Variants in PIK3CB observed in about 807,000 individuals in gnomAD.
PIK3CB encodes the protein phosphatidylinositol 4,5-bisphosphate 3-kinase catalytic subunit beta isoform.
PIK3CB carries 39 observed loss-of-function variants against 136.8 expected under a neutral mutation model. The observed-to-expected ratio is 0.29, with a 90% CI of 0.22 to 0.37. The LOEUF (loss-of-function observed/expected upper bound fraction) is 0.37, where lower values mean the gene tolerates loss of function less well. Among genes scored for constraint, PIK3CB ranks in the 10% least tolerant of loss-of-function variants. PIK3CB has a pLI of 1.00. For missense variants in PIK3CB, 868 were observed against 1,275.4 expected, an observed-to-expected ratio of 0.68 and a Z score of 4.87; for synonymous variants, 428 against 436.6, an observed-to-expected ratio of 0.98 and a Z score of 0.25.
At chr3:138,782,819 C>A (rs965440641) in intron 2 of PIK3CB, among the ~76,000 whole-genome samples, 1 of 152,212 alleles carries the variant, frequency 6.6e-6, no homozygotes, top group Non-Finnish European at 1.5e-5. Context: ...TCCAACTTAA[C>A]TGTTCCACGA....
chr3:138,810,420 C>T (rs925330676), intron 1 of PIK3CB, among the ~76,000 whole-genome samples: 2 of 151,940 alleles, frequency 1.3e-5, no homozygotes, highest in African/African-American at 4.8e-5. Context: ...TGATCAAGGA[C>T]AACATCAACA....
intron 1 of PIK3CB, among the ~76,000 whole-genome samples, chr3:138,820,420 T>A (rs780507513): frequency 1.3e-5 from 2 of 152,206 alleles, no homozygotes; most frequent in Non-Finnish European, 2.9e-5. Context: ...TAACCACACC[T>A]TTGTGGTTTT....
chr3:138,713,401 G>A lies in PIK3CB; in HGVS notation c.1302+1067C>T, dbSNP rs561477487. On this transcript the variant is annotated intron_variant, in intron 9 of 23. Coordinates refer to ENST00000674063, the MANE Select transcript of PIK3CB (RefSeq NM_006219.3). ...AGAATAAAAGAACACGGCCAGGCAC[G>A]GTGGCCACGCCTGTAATCCCAGCAC... Among the ~76,000 whole-genome samples, 190 of 152,060 alleles carry A rather than the reference G, an allele frequency of 1.2e-3. 1 individual carries two copies. Among genetic ancestry groups the A allele is most frequent in the Non-Finnish European group, 2.3e-3 (158 of 67,958 alleles).
At position 138,809,606 on chromosome 3, in the gene PIK3CB, CAAAAAAAAA is replaced by C. The variant is rs57717750; in HGVS notation, c.-121-13048_-121-13040del. 8.8e-5 allele frequency among the ~76,000 whole-genome samples: 10 copies of C among 113,634 alleles called. No homozygotes were observed. In the East Asian group the frequency reaches 1.5e-3, roughly 17 times the overall value. 74.5% of individuals were successfully genotyped at this position (113,634 alleles called of 152,430 possible). ...GGGGGACAAGAGCGAGACTTTGCCTCAAAAAAAAAAAAAAAAAAAGAAAATTAAAAGCCA... is the reference window on the plus strand; with the variant it reads ...GGGGGACAAGAGCGAGACTTTGCCTCAAAAAAAAAAGAAAATTAAAAGCCA... On this transcript the variant is annotated intron_variant, in intron 1 of 23. Coordinates refer to ENST00000674063, the MANE Select transcript of PIK3CB (RefSeq NM_006219.3).
At chr3:138,829,694 G>C (rs1933938997) in intron 1 of PIK3CB, among the ~76,000 whole-genome samples, 2 of 152,126 alleles carry the variant, frequency 1.3e-5, no homozygotes, top group South Asian at 4.1e-4. Context: ...GGCTAAAACA[G>C]GAGAATCGCT....
chr3:138,808,307 A>G (rs2046255821), intron 1 of PIK3CB, among the ~76,000 whole-genome samples: 1 of 152,174 alleles, frequency 6.6e-6, no homozygotes, highest in Non-Finnish European at 1.5e-5. Context: ...AGTGCAAAAA[A>G]CAACCTCTCA....
At chr3:138,812,091 T>TA (rs1251090897) in intron 1 of PIK3CB, among the ~76,000 whole-genome samples, 3 of 151,754 alleles carry the variant, frequency 2.0e-5, no homozygotes, top group Non-Finnish European at 4.4e-5. Flanking sequence ...ACCGTATCTC[T>TA]AAAAAAAGAA....
intron 2 of PIK3CB, chr3:138,778,220 T>C (rs1397373891): frequency 6.6e-6 from 3 of 457,838 alleles, no homozygotes; most frequent in African/African-American, 2.0e-5. Context: ...ATGTTTGTAA[T>C]GGGCATGAAC....
At chr3:138,818,808 T>C (rs1933441505) in intron 1 of PIK3CB, among the ~76,000 whole-genome samples, 1 of 152,156 alleles carries the variant, frequency 6.6e-6, no homozygotes, top group Non-Finnish European at 1.5e-5. Flanking sequence ...AATGTATACA[T>C]AATACAAACT....
chr3:138,682,636 A>C (rs1266407428), intron 18 of PIK3CB, among the ~76,000 whole-genome samples: 3 of 152,222 alleles, frequency 2.0e-5, no homozygotes, highest in African/African-American at 7.2e-5. Flanking sequence ...GGTTCAATTT[A>C]TTATCATGTC....
At chr3:138,690,180 A>C (rs2043977428) in intron 15 of PIK3CB, among the ~76,000 whole-genome samples, 1 of 152,034 alleles carries the variant, frequency 6.6e-6, no homozygotes, top group Admixed American at 6.5e-5. Flanking sequence ...AACTAAAATT[A>C]AGAGCACAAC....
At chr3:138,670,652 C>T (rs1269225772) in intron 19 of PIK3CB, among the ~76,000 whole-genome samples, 1 of 152,162 alleles carries the variant, frequency 6.6e-6, no homozygotes, top group Non-Finnish European at 1.5e-5. Context: ...GTTTATGGTC[C>T]TCAAGCAGAC....
At chr3:138,788,571 C>T (rs1426485471) in intron 2 of PIK3CB, among the ~76,000 whole-genome samples, 2 of 146,878 alleles carry the variant, frequency 1.4e-5, no homozygotes, top group Non-Finnish European at 3.0e-5. Flanking sequence ...GCAGGAGAAT[C>T]GCTTAAACCT....
chr3:138,816,595 AAAATAAATAAATAAAT>A lies in PIK3CB; in HGVS notation c.-122+18084_-122+18099del, dbSNP rs4035076. ...GGGGACAAGAGTGAGAGTTTGTCTC[AAAATAAATAAATAAAT>A]AAATAAATAAATAAATATAAATTAA... On this transcript the variant is annotated intron_variant, in intron 1 of 23. Coordinates refer to ENST00000674063, the MANE Select transcript of PIK3CB (RefSeq NM_006219.3). 1.3e-3 allele frequency among the ~76,000 whole-genome samples: 192 copies of A among 146,490 alleles called. 1 individual carries two copies. The highest frequency in any genetic ancestry group is 4.6e-3 in the African/African-American group (184 of 39,898).
At chr3:138,732,232 T>C (rs1249537793) in intron 8 of PIK3CB, among the ~76,000 whole-genome samples, 10 of 152,114 alleles carry the variant, frequency 6.6e-5, no homozygotes, top group African/African-American at 1.7e-4. Flanking sequence ...CTGTATACAA[T>C]ATTATTAACT....
At chr3:138,832,155 T>G (rs1481140739) in intron 1 of PIK3CB, among the ~76,000 whole-genome samples, 1 of 152,174 alleles carries the variant, frequency 6.6e-6, no homozygotes, top group Non-Finnish European at 1.5e-5. Flanking sequence ...TTTTTCCATA[T>G]AGTTGGCTGA....
At chr3:138,657,902 T>A in intron 21 of PIK3CB, 67 bp from the exon 22 acceptor site, 1 of 1,484,844 alleles carries the variant, frequency 6.7e-7, no homozygotes. Context: ...AGGCAAAACC[T>A]CCATAGTCCT....
intron 8 of PIK3CB, among the ~76,000 whole-genome samples, chr3:138,725,071 A>G (rs758685198): frequency 6.6e-6 from 1 of 152,158 alleles, no homozygotes; most frequent in Non-Finnish European, 1.5e-5. Context: ...AGTGTTCAGT[A>G]TTTGGGTGAT....
intron 13 of PIK3CB, 58 bp from the exon 14 acceptor site, chr3:138,694,965 C>T: frequency 1.3e-6 from 2 of 1,527,576 alleles, no homozygotes; most frequent in Non-Finnish European, 1.8e-6. Flanking sequence ...ATCTAATTTT[C>T]CTTGACACAC....
Sources: gnomAD v4.1 joint callset for allele counts (sites outside exome capture counted in the v4.1 genomes callset) on GRCh38, gnomAD v4.1.1 for gene constraint, MANE v1.5 for transcripts, NCBI Gene and HGNC (gene_info 2026-07-23, HGNC 2026-07-21) for gene names.